The following TRAF5 variants were observed in gnomAD, a reference collection of about 807,000 sequenced individuals.
TRAF5 encodes TNF receptor-associated factor 5.
TRAF5 carries 48 observed loss-of-function variants against 64.5 expected under a neutral mutation model. The observed-to-expected ratio is 0.74, with a 90% CI of 0.59 to 0.95. The LOEUF is 0.95. TRAF5 is among the 40% of genes least tolerant of loss of function. The pLI, the probability that TRAF5 is intolerant of heterozygous loss-of-function variation, is 0.00. For synonymous variants in TRAF5, 206 were observed against 240.5 expected (o/e 0.86, Z 1.33); for missense variants, 545 against 662.8 (o/e 0.82, Z 1.95).
chr1:211,335,609 C>A (rs773029547), intron 1 of TRAF5, among the ~76,000 whole-genome samples: 11 of 151,984 alleles, frequency 7.2e-5, no homozygotes, highest in Admixed American at 3.3e-4. Flanking sequence ...TGGGGGGGAC[C>A]CTAACTTGAT....
At chr1:211,335,704 A>G (rs1175404045) in intron 1 of TRAF5, among the ~76,000 whole-genome samples, 2 of 152,108 alleles carry the variant, frequency 1.3e-5, no homozygotes, top group Non-Finnish European at 2.9e-5. Flanking sequence ...GTGGGGAGAG[A>G]GGAAAAGATG....
intron 8 of TRAF5, 89 bp from the exon 9 acceptor site, chr1:211,369,363 C>T: frequency 8.6e-7 from 1 of 1,163,720 alleles, no homozygotes; most frequent in Non-Finnish European, 1.2e-6. Context: ...CCTAGAAATA[C>T]TTTCTTAGCT....
rs756509186 is a variant in TRAF5, at chr1:211,356,471, T to C, written c.378+3T>C. On this transcript the variant is annotated splice_donor_region_variant and intron_variant, in intron 4 of 10. Transcript: ENST00000261464. ...AGGTTATTCTGGGCCGGTACCAGGT[T>C]GGTATTACTCATGAACGATATCTGC... 1 of 1,613,712 alleles carries C rather than the reference T, an allele frequency of 6.2e-7. No individual in the cohort carries two copies. Among genetic ancestry groups the C allele is most frequent in the Non-Finnish European group, 8.5e-7 (1 of 1,179,632 alleles).
At chr1:211,347,205 A>G (rs557967924) in intron 1 of TRAF5, among the ~76,000 whole-genome samples, 3 of 152,360 alleles carry the variant, frequency 2.0e-5, no homozygotes, top group South Asian at 4.1e-4. Context: ...CATTTCCACT[A>G]AATAGCTGCC....
At chr1:211,358,024 C>G (rs891811264) in intron 4 of TRAF5, 1 of 152,134 alleles carries the variant, frequency 6.6e-6, no homozygotes, top group African/African-American at 2.4e-5. Context: ...ATTATAAAAA[C>G]AAGTAGCAGG....
At chr1:211,358,863 TA>T (rs1703077611) in intron 4 of TRAF5, 1 of 148,314 alleles carries the variant, frequency 6.7e-6, no homozygotes, top group Admixed American at 6.7e-5. Context: ...TTATAATAAA[TA>T]CATTATTGAC....
intron 1 of TRAF5, among the ~76,000 whole-genome samples, chr1:211,334,033 G>A (rs1020850385): frequency 6.6e-6 from 1 of 152,174 alleles, no homozygotes; most frequent in Non-Finnish European, 1.5e-5. Flanking sequence ...CCAGCAGATG[G>A]TCATACTCAC....
At chr1:211,344,342 T>C (rs1237343926) in intron 1 of TRAF5, among the ~76,000 whole-genome samples, 1 of 151,802 alleles carries the variant, frequency 6.6e-6, no homozygotes, top group Non-Finnish European at 1.5e-5. Flanking sequence ...CTCACATCAT[T>C]GTTTGTCCTG....
At chr1:211,356,729 T>C (rs1056565661) in intron 4 of TRAF5, 25 of 324,194 alleles carry the variant, frequency 7.7e-5, no homozygotes, top group African/African-American at 3.8e-4. Flanking sequence ...GTAGGGATCA[T>C]TGAGCCAAAA....
Position 211,372,527 on chromosome 1 carries a change from A to G in TRAF5, c.1499A>G (p.Lys500Arg). 6.2e-7 allele frequency: 1 copy of G among 1,614,230 alleles called. No individual in the cohort carries two copies. Among genetic ancestry groups the G allele is most frequent in the Non-Finnish European group, 8.5e-7 (1 of 1,180,040 alleles). Residue 500 changes from lysine to arginine, a missense_variant, in exon 11 of 11, where the codon AAA becomes AGA. Lys to Arg is a conservative substitution (Grantham distance 26). Coordinates refer to ENST00000261464, the MANE Select transcript of TRAF5 (RefSeq NM_001033910.3). ...SGKKNIMETF[K>R]PDPNSSSFKR... ...AAAAAGAACATTATGGAGACCTTCA[A>G]ACCTGACCCCAATAGCAGCAGCTTT...
At chr1:211,356,753 A>T (rs1702982708) in intron 4 of TRAF5, 1 of 262,286 alleles carries the variant, frequency 3.8e-6, no homozygotes, top group East Asian at 7.9e-5. Flanking sequence ...AGGGCGTGGG[A>T]CATGCTGGAC....
intron 8 of TRAF5, among the ~76,000 whole-genome samples, chr1:211,366,969 GTT>G (rs67941385): frequency 0.56 from 76,374 of 135,840 alleles, 21,347 homozygotes; most frequent in East Asian, 0.71. Flanking sequence ...TCAGCTAATT[GTT>G]TGTTTGTTTG....
rs922319941 is a variant in TRAF5 at position 211,372,628 on chromosome 1, A to C, written c.1600A>C (p.Lys534Gln). The C allele has an allele frequency of 3.1e-6, 5 of 1,614,074 alleles. No individual in the cohort carries two copies. In the African/African-American group the frequency reaches 6.7e-5, roughly 22 times the overall value. The change falls in exon 11 of 11, where the codon AAG (lysine) becomes CAG (glutamine). Residue 534 changes from lysine to glutamine, a missense_variant. By Grantham distance (53) the Lys-to-Gln change is moderately conservative. Transcript: ENST00000261464. ...FVAHSVLENAKNAYIKDDTLF... is the reference protein window; with the variant it reads ...FVAHSVLENAQNAYIKDDTLF... Reference sequence around the variant, plus strand: ...GGCTCATTCTGTTTTGGAGAATGCCAAGAACGCCTACATTAAAGATGACAC... The same window carrying C: ...GGCTCATTCTGTTTTGGAGAATGCCCAGAACGCCTACATTAAAGATGACAC...
intron 8 of TRAF5, among the ~76,000 whole-genome samples, chr1:211,367,944 A>G (rs1703406973): frequency 6.6e-6 from 1 of 152,174 alleles, no homozygotes; most frequent in Non-Finnish European, 1.5e-5. Context: ...CAACAACAAA[A>G]AGCAAGTTAT....
intron 7 of TRAF5, among the ~76,000 whole-genome samples, chr1:211,361,946 C>T (rs1703201177): frequency 6.6e-6 from 1 of 152,090 alleles, no homozygotes; most frequent in Admixed American, 6.5e-5. Context: ...ATGCGCCTGC[C>T]TCGGCCTCCC....
intron 1 of TRAF5, among the ~76,000 whole-genome samples, chr1:211,349,366 T>G (rs1572069086): frequency 1.3e-5 from 2 of 152,222 alleles, no homozygotes; most frequent in African/African-American, 4.8e-5. Context: ...CCGTGTCTGG[T>G]GAGGGCTCAC....
intron 6 of TRAF5, 91 bp from the exon 7 acceptor site, chr1:211,360,997 G>T (rs1703159704): frequency 7.6e-7 from 1 of 1,319,670 alleles, no homozygotes; most frequent in Admixed American, 1.7e-5. Flanking sequence ...CCTGGTCCTT[G>T]CCTTCTTCCC....
At chr1:211,349,732 T>A (rs1702725256) in intron 1 of TRAF5, among the ~76,000 whole-genome samples, 1 of 151,752 alleles carries the variant, frequency 6.6e-6, no homozygotes, top group African/African-American at 2.4e-5. Context: ...GAGTGCAGAG[T>A]GTAGTGGAGG....
upstream of TRAF5, chr1:211,326,699 ATG>A (rs1702018276): frequency 1.0e-6 from 1 of 986,032 alleles, no homozygotes; most frequent in African/African-American, 1.7e-5. This position sits in a 1 kb window ranked among gnomAD's most constrained non-coding sequence, Gnocchi z 5.0. Context: ...AACCGCCTGG[ATG>A]ACGGTCTCAG....
Sources: allele counts gnomAD v4.1 joint callset (sites outside exome capture counted in the v4.1 genomes callset), GRCh38; gene constraint gnomAD v4.1.1; non-coding constraint Gnocchi (gnomAD v3.1); transcripts MANE v1.5; gene names NCBI Gene and HGNC (gene_info 2026-07-23, HGNC 2026-07-21).